Variants in PCDH11X observed in about 807,000 individuals in gnomAD.
PCDH11X encodes protocadherin-11 X-linked.
In PCDH11X, 18 loss-of-function variants were observed where a neutral mutation model predicts 53.3. The observed-to-expected ratio is 0.34, with a 90% CI of 0.23 to 0.50. The LOEUF is 0.50. Ranked by LOEUF, PCDH11X falls within the 20% of genes least tolerant of loss-of-function variation. The pLI, the probability that PCDH11X is intolerant of heterozygous loss-of-function variation, is 0.98. For missense variants in PCDH11X, 570 were observed against 1,032.4 expected (o/e 0.55, Z 6.14); for synonymous variants, 279 against 393.3 (o/e 0.71, Z 3.44).
chrX:91,926,288 T>C (rs1440128206), intron 6 of PCDH11X, among the ~76,000 whole-genome samples: 1 of 109,932 alleles, frequency 9.1e-6, no homozygotes, highest in Non-Finnish European at 1.9e-5. Flanking sequence ...AGAAGGCCGG[T>C]ATGTTGGTTC....
intron 5 of PCDH11X, among the ~76,000 whole-genome samples, chrX:91,857,723 G>C (rs1325158688): frequency 8.9e-6 from 1 of 112,001 alleles, no homozygotes; most frequent in East Asian, 2.8e-4. Context: ...CTCATATCCA[G>C]GTCATGCTGA....
intron 8 of PCDH11X, among the ~76,000 whole-genome samples, chrX:92,351,351 G>A (rs748878370): frequency 1.8e-5 from 2 of 111,376 alleles, no homozygotes; most frequent in East Asian, 5.7e-4. Context: ...AATGCATGAC[G>A]TCTTTTAATT....
At chrX:91,797,672 T>C (rs958898219) in intron 1 of PCDH11X, among the ~76,000 whole-genome samples, 1 of 108,749 alleles carries the variant, frequency 9.2e-6, no homozygotes, top group African/African-American at 3.3e-5. Context: ...TTAACTGATT[T>C]TCTTCCAAAT....
At chrX:91,866,000 G>A (rs752865390) in intron 5 of PCDH11X, among the ~76,000 whole-genome samples, 17 of 109,037 alleles carry the variant, frequency 1.6e-4, no homozygotes, top group Middle Eastern at 4.7e-3. Flanking sequence ...CTCCCCTGTT[G>A]CCATGCTGGT....
At position 92,132,065 on chromosome X, in the gene PCDH11X, C is replaced by T. The variant is rs1470060043; in HGVS notation, c.3034-69310C>T. 2.5e-4 allele frequency among the ~76,000 whole-genome samples: 24 copies of T among 94,951 alleles called. 1 individual carries two copies. Among genetic ancestry groups the T allele is most frequent in the Middle Eastern group, 0.011 (2 of 174 alleles). The allele number at this position is 94,951 out of a possible 115,157, so 82.5% of individuals were successfully genotyped here. A position where few individuals can be genotyped will look rare whatever the true frequency, so the allele number is the denominator to read the frequency against. ...GGTGGGAGGATCACCTGAGGTCAGG[C>T]GTTCGAGACCAGCCTGGCCAACATG... On this transcript the variant is annotated intron_variant, in intron 6 of 10. Transcript: ENST00000682573.
chrX:92,321,515 G>T lies in PCDH11X; in HGVS notation c.3144+58372G>T, dbSNP rs773746911. On this transcript the variant is annotated intron_variant, in intron 8 of 10. Coordinates refer to ENST00000682573, the MANE Select transcript of PCDH11X (RefSeq NM_032968.5). ...CCGGCCGTGTAATTGTTTTAATATT[G>T]CTTATCTCATGGCCAGTGCTTGTTT... is the stretch of plus-strand genomic sequence containing the variant. Among the ~76,000 whole-genome samples the T allele has an allele frequency of 2.7e-4, 30 of 111,366 alleles. No homozygotes were observed. In the East Asian group the frequency reaches 8.5e-3, roughly 32 times the overall value.
At chrX:91,941,818 A>G (rs1481737225) in intron 6 of PCDH11X, among the ~76,000 whole-genome samples, 8 of 111,401 alleles carry the variant, frequency 7.2e-5, no homozygotes, top group Non-Finnish European at 1.1e-4. Context: ...AAAATGTTTC[A>G]ATAAATTTAA....
At chrX:92,610,629 T>C (rs1185091418) in intron 10 of PCDH11X, among the ~76,000 whole-genome samples, 4 of 111,290 alleles carry the variant, frequency 3.6e-5, no homozygotes, top group Non-Finnish European at 5.7e-5. Context: ...TTTGTTTTTG[T>C]TGCAATTGCT....
intron 6 of PCDH11X, among the ~76,000 whole-genome samples, chrX:92,140,358 A>C (rs1291460704): frequency 1.0e-3 from 117 of 111,633 alleles, no homozygotes; most frequent in Non-Finnish European, 1.1e-3. Context: ...AAAACTTTTA[A>C]TATTTACTAG....
At chrX:92,594,900 C>A (rs1326367692) in intron 10 of PCDH11X, among the ~76,000 whole-genome samples, 1 of 96,959 alleles carries the variant, frequency 1.0e-5, no homozygotes. Flanking sequence ...TTTGAGATAT[C>A]TACAGCTTTA....
intron 6 of PCDH11X, among the ~76,000 whole-genome samples, chrX:92,156,474 A>T (rs2065539171): frequency 9.0e-6 from 1 of 111,542 alleles, no homozygotes; most frequent in African/African-American, 3.3e-5. Context: ...CATCAAATGC[A>T]CTCCATATAA....
At chrX:92,534,084 A>C (rs1187196611) in intron 10 of PCDH11X, among the ~76,000 whole-genome samples, 1 of 103,755 alleles carries the variant, frequency 9.6e-6, no homozygotes, top group Non-Finnish European at 2.0e-5. Context: ...GCTTCAGAAG[A>C]TCAGTAATAA....
In PCDH11X at chrX:92,622,965, G is replaced by C. The variant is rs1055127492; in HGVS notation, c.*4025G>C. On this transcript the variant is annotated 3_prime_UTR_variant, in exon 11 of 11. Coordinates refer to ENST00000682573, the MANE Select transcript of PCDH11X (RefSeq NM_032968.5). ...ACTGTGTGAAATTTATACTATCCCT[G>C]CTTAAAATATTAAGATTTTTATGAA... The C allele has an allele frequency of 1.8e-5, 2 of 110,804 alleles. No individual in the cohort carries two copies. The highest frequency in any genetic ancestry group is 3.3e-5 in the African/African-American group (1 of 30,480). 9.1% of individuals were successfully genotyped at this position (110,804 alleles called of 1,213,427 possible).
At chrX:92,537,650 C>CAAA (rs77743001) in intron 10 of PCDH11X, among the ~76,000 whole-genome samples, 1 of 75,058 alleles carries the variant, frequency 1.3e-5, no homozygotes, top group Non-Finnish European at 2.6e-5. Flanking sequence ...ATAACACTGG[C>CAAA]AAAAAAAAAA....
intron 6 of PCDH11X, among the ~76,000 whole-genome samples, chrX:91,901,560 T>G (rs1940955916): frequency 9.0e-6 from 1 of 110,994 alleles, no homozygotes; most frequent in Non-Finnish European, 1.9e-5. Flanking sequence ...TTTTCTGAAT[T>G]ACCAATAAAT....
At chrX:92,112,699 A>C (rs1322787986) in intron 6 of PCDH11X, among the ~76,000 whole-genome samples, 5 of 109,237 alleles carry the variant, frequency 4.6e-5, no homozygotes, top group African/African-American at 1.8e-4. Context: ...TAATGAGTTT[A>C]TGATTAAGAA....
intron 6 of PCDH11X, among the ~76,000 whole-genome samples, chrX:91,888,034 T>G (rs1940312697): frequency 8.9e-6 from 1 of 112,189 alleles, no homozygotes; most frequent in Non-Finnish European, 1.9e-5. Context: ...AGAACTCTTT[T>G]AATTTTCCTA....
chrX:91,886,815 C>CA (rs1274846928), intron 6 of PCDH11X, among the ~76,000 whole-genome samples: 73 of 107,659 alleles, frequency 6.8e-4, no homozygotes, highest in African/African-American at 2.4e-3. Flanking sequence ...ACTAAAAATA[C>CA]AAAAAATTAG....
chrX:92,129,975 CGCACACGCACAT>C (rs1185921403), intron 6 of PCDH11X, among the ~76,000 whole-genome samples: 1 of 111,740 alleles, frequency 8.9e-6, no homozygotes, highest in Non-Finnish European at 1.9e-5. Flanking sequence ...CACACGCACA[CGCACACGCACAT>C]GCACACACAC....
Sources: allele counts gnomAD v4.1 joint callset (sites outside exome capture counted in the v4.1 genomes callset), GRCh38; gene constraint gnomAD v4.1.1; transcripts MANE v1.5; gene names NCBI Gene and HGNC (gene_info 2026-07-23, HGNC 2026-07-21).